Variants in CSRP3 observed in about 807,000 individuals in gnomAD.
CSRP3 encodes the protein cysteine and glycine-rich protein 3.
CSRP3 carries 24 observed loss-of-function variants against 24.3 expected under a neutral mutation model. The observed-to-expected ratio is 0.99, with a 90% CI of 0.71 to 1.39. CSRP3 has a LOEUF of 1.39. Among genes scored for constraint, CSRP3 ranks in the 40% most tolerant of loss-of-function variants. The pLI is 0.00. For missense variants in CSRP3, 240 were observed against 249.0 expected (o/e 0.96, Z 0.24); for synonymous variants, 105 against 94.0 (o/e 1.12, Z -0.68).
chr11:19,199,933 T>A (rs1850807766), intron 1 of CSRP3, among the ~76,000 whole-genome samples: 1 of 152,262 alleles, frequency 6.6e-6, no homozygotes, highest in African/African-American at 2.4e-5. Flanking sequence ...CACTTGTAAC[T>A]GGAAATCTGT....
chr11:19,201,225 C>A (rs974221753), intron 1 of CSRP3, among the ~76,000 whole-genome samples: 3 of 152,210 alleles, frequency 2.0e-5, no homozygotes, highest in African/African-American at 7.2e-5. Flanking sequence ...TTTAATAGAG[C>A]TTTTAATATA....
At chr11:19,194,451 G>A (rs1850664453) in intron 1 of CSRP3, among the ~76,000 whole-genome samples, 1 of 152,168 alleles carries the variant, frequency 6.6e-6, no homozygotes, top group African/African-American at 2.4e-5. Flanking sequence ...GCCAAGGCAG[G>A]AGGATCACTA....
intron 1 of CSRP3, among the ~76,000 whole-genome samples, chr11:19,194,533 C>T (rs1219371075): frequency 6.6e-6 from 1 of 151,968 alleles, no homozygotes; most frequent in African/African-American, 2.4e-5. Flanking sequence ...CAAAAAATTA[C>T]CCTGGTGTGG....
chr11:19,197,344 C>G (rs1850731640), intron 1 of CSRP3, among the ~76,000 whole-genome samples: 1 of 45,554 alleles, frequency 2.2e-5, no homozygotes, highest in African/African-American at 2.4e-4. Flanking sequence ...ATTTCTCCCT[C>G]CCTCCCTCCC....
intron 3 of CSRP3, 115 bp downstream of exon 3, chr11:19,188,021 A>G: frequency 8.3e-7 from 1 of 1,205,158 alleles, no homozygotes; most frequent in Non-Finnish European, 1.2e-6. Context: ...ATTGTTGGCA[A>G]GTCAACAATA....
chr11:19,197,512 T>G (rs956226521), intron 1 of CSRP3, among the ~76,000 whole-genome samples: 18 of 102,662 alleles, frequency 1.8e-4, no homozygotes, highest in African/African-American at 7.1e-4. Context: ...TCTTTCTTTC[T>G]TTCTTTCTTT....
chr11:19,188,661 C>T (rs7128257), intron 2 of CSRP3, among the ~76,000 whole-genome samples: 7,983 of 142,918 alleles, frequency 0.056, 711 homozygotes, highest in African/African-American at 0.19. Flanking sequence ...TTTGTGGGCG[C>T]GCGCGTTGGC....
intron 2 of CSRP3, among the ~76,000 whole-genome samples, chr11:19,190,472 T>C (rs1161602426): frequency 6.6e-6 from 1 of 152,266 alleles, no homozygotes; most frequent in Non-Finnish European, 1.5e-5. Context: ...TTTGGATATA[T>C]TGAGTTAAAT....
rs75288367 is a variant in CSRP3, at chr11:19,189,144, T to G, written c.113-840A>C. The stretch of plus-strand genomic sequence containing the variant: ...AATTTGGGGAATAATTATCTCCAAT[T>G]CTGTCTTTGCATCTTCAACATCGGC... On this transcript the variant is annotated intron_variant, in intron 2 of 5. Coordinates refer to ENST00000265968, the MANE Select transcript of CSRP3 (RefSeq NM_003476.5). 6.0e-3 allele frequency among the ~76,000 whole-genome samples: 914 copies of G among 152,370 alleles called. 4 individuals carry two copies. Among genetic ancestry groups the G allele is most frequent in the Middle Eastern group, 0.01 (3 of 294 alleles).
At position 19,197,538 on chromosome 11, in the gene CSRP3, T is replaced by C. The variant is rs1178723831; in HGVS notation, c.-29+4416A>G. 3.6e-5 allele frequency among the ~76,000 whole-genome samples: 5 copies of C among 137,110 alleles called. No homozygotes were observed. In the East Asian group the frequency reaches 8.7e-4, roughly 24 times the overall value. 89.9% of individuals were successfully genotyped at this position (137,110 alleles called of 152,430 possible). A position where few individuals can be genotyped will look rare whatever the true frequency, so the allele number is the denominator to read the frequency against. Reference sequence around the variant, plus strand: ...TTCTTTCTTTCTTTCTTTCTTTCTTTCTTTCTTTCTTTCTTTCTTTCTTTC... The same window carrying C: ...TTCTTTCTTTCTTTCTTTCTTTCTTCCTTTCTTTCTTTCTTTCTTTCTTTC... On this transcript the variant is annotated intron_variant, in intron 1 of 5. Transcript: ENST00000265968.
At chr11:19,187,560 G>C (rs1162771186) in intron 3 of CSRP3, among the ~76,000 whole-genome samples, 1 of 152,240 alleles carries the variant, frequency 6.6e-6, no homozygotes. Flanking sequence ...GGTGGCCAGA[G>C]TGATGTCCCA....
intron 2 of CSRP3, among the ~76,000 whole-genome samples, chr11:19,191,380 G>C (rs557457223): frequency 2.0e-4 from 31 of 152,286 alleles, no homozygotes; most frequent in African/African-American, 7.5e-4. Context: ...GCATGGGGGT[G>C]CTGGCATGGC....
At position 19,186,252 on chromosome 11, in the gene CSRP3, T is replaced by A; in HGVS notation, c.378A>T (p.Ser126=). Reference sequence around the variant, plus strand: ...CCATAACCTTCTCAGCAGCATAGACTGACTTGCCACATCGAGGGCACTTCT... The same window carrying A: ...CCATAACCTTCTCAGCAGCATAGACAGACTTGCCACATCGAGGGCACTTCT... ...ESEKCPRCGK[S]VYAAEKVMGG... The change falls in exon 4 of 6, where the codon TCA becomes TCT. Residue 126 remains serine, a synonymous_variant. Coordinates refer to ENST00000265968, the MANE Select transcript of CSRP3 (RefSeq NM_003476.5). 1 of 1,614,224 alleles carries A rather than the reference T, an allele frequency of 6.2e-7. No individual in the cohort carries two copies. The highest frequency in any genetic ancestry group is 1.1e-5 in the South Asian group (1 of 91,078).
intron 2 of CSRP3, among the ~76,000 whole-genome samples, chr11:19,189,164 A>G (rs940121276): frequency 3.3e-5 from 5 of 152,172 alleles, no homozygotes; most frequent in African/African-American, 1.2e-4. Flanking sequence ...CATCTTCAAC[A>G]TCGGCATCTC....
chr11:19,195,837 C>T (rs1265936805), intron 1 of CSRP3, among the ~76,000 whole-genome samples: 1 of 152,200 alleles, frequency 6.6e-6, no homozygotes, highest in Non-Finnish European at 1.5e-5. Context: ...CATATATCAT[C>T]AGGACTTGAA....
chr11:19,188,613 A>AGTGTAT (rs553558392), intron 2 of CSRP3, among the ~76,000 whole-genome samples: 2 of 140,874 alleles, frequency 1.4e-5, no homozygotes, highest in African/African-American at 5.2e-5. Context: ...ACATCAGGGA[A>AGTGTAT]GTGTGTGTGT....
intron 4 of CSRP3, 138 bp from the exon 5 acceptor site, chr11:19,185,183 C>T: frequency 1.4e-6 from 1 of 727,748 alleles, no homozygotes. Flanking sequence ...ATAATTTCTC[C>T]AGGGGTTTGG....
At position 19,192,398 on chromosome 11, in the gene CSRP3, G is replaced by GAAGAAATCTGC. The variant is rs1336937886; in HGVS notation, c.50_51insGCAGATTTCTT (p.Tyr18GlnfsTer194). On this transcript the variant is annotated frameshift_variant, in exon 2 of 6. Coordinates refer to ENST00000265968, the MANE Select transcript of CSRP3 (RefSeq NM_003476.5). LOFTEE classifies it high-confidence loss of function. ...TGCACTGGATTTCTTCTGCATGGTA[G>GAAGAAATCTGC]ACGGTCTTTTCACAGGCTCCACATT... 3.7e-6 allele frequency: 6 copies of GAAGAAATCTGC among 1,614,098 alleles called. No homozygotes were observed. Among genetic ancestry groups the GAAGAAATCTGC allele is most frequent in the African/African-American group, 1.3e-5 (1 of 74,934 alleles).
intron 1 of CSRP3, among the ~76,000 whole-genome samples, chr11:19,193,148 T>C (rs1850642651): frequency 6.6e-6 from 1 of 152,194 alleles, no homozygotes; most frequent in African/African-American, 2.4e-5. Flanking sequence ...GGCTATAAGA[T>C]ATATTGGCAC....
Sources: gnomAD v4.1 joint callset for allele counts (sites outside exome capture counted in the v4.1 genomes callset) on GRCh38, gnomAD v4.1.1 for gene constraint, MANE v1.5 for transcripts, NCBI Gene and HGNC (gene_info 2026-07-23, HGNC 2026-07-21) for gene names.